ANKRD62: variants seen among roughly 807,000 people sequenced by gnomAD.
ANKRD62 encodes the protein ankyrin repeat domain 62.
ANKRD62 carries 61 observed loss-of-function variants against 98.8 expected under a neutral mutation model. That is an observed-to-expected ratio of 0.62 (90% confidence interval 0.50 to 0.76). The LOEUF (loss-of-function observed/expected upper bound fraction) is 0.76. ANKRD62 is among the 30% of genes least tolerant of loss of function. The pLI, the probability that ANKRD62 is intolerant of heterozygous loss-of-function variation, is 0.00. For synonymous variants in ANKRD62, 341 were observed against 367.9 expected, an observed-to-expected ratio of 0.93 and a Z score of 0.84; for missense variants, 933 against 1,082.9, an observed-to-expected ratio of 0.86 and a Z score of 1.94.
intron 10 of ANKRD62, 103 bp from the exon 11 acceptor site, chr18:12,122,200 T>C: frequency 2.5e-6 from 2 of 789,120 alleles, no homozygotes; most frequent in East Asian, 2.7e-5. Flanking sequence ...TATGTACATA[T>C]TCATTCAGTG....
Position 12,128,064 on chromosome 18 carries a change from T to C in ANKRD62, c.*125T>C. ...TATAATACATCCATTTCTCAATCTCTGCCATGTTTTATAATTATAAATATT... is the reference window on the plus strand; with the variant it reads ...TATAATACATCCATTTCTCAATCTCCGCCATGTTTTATAATTATAAATATT... On this transcript the variant is annotated 3_prime_UTR_variant, in exon 14 of 14. Transcript: ENST00000587848. The C allele has an allele frequency of 2.0e-6, 1 of 511,914 alleles. No individual in the cohort carries two copies. The highest frequency in any genetic ancestry group is 3.0e-6 in the Non-Finnish European group (1 of 337,300). 31.7% of individuals were successfully genotyped at this position (511,914 alleles called of 1,614,324 possible).
At position 12,128,006 on chromosome 18, in the gene ANKRD62, T is replaced by C. The variant is rs1909928608; in HGVS notation, c.*67T>C. 1.1e-6 allele frequency: 1 copy of C among 944,314 alleles called. No individual in the cohort carries two copies. Among genetic ancestry groups the C allele is most frequent in the African/African-American group, 1.7e-5 (1 of 58,556 alleles). 58.5% of individuals were successfully genotyped at this position (944,314 alleles called of 1,614,324 possible). A position where few individuals can be genotyped will look rare whatever the true frequency, so the allele number is the denominator to read the frequency against. On this transcript the variant is annotated 3_prime_UTR_variant, in exon 14 of 14. Transcript: ENST00000587848. Reference sequence around the variant, plus strand: ...TGGAGAGCTTTCTTTTGTATTTTCATTATAATTAATTTTATTAAAATTTGA... The same window carrying C: ...TGGAGAGCTTTCTTTTGTATTTTCACTATAATTAATTTTATTAAAATTTGA...
the ANKRD62 span, among the ~76,000 whole-genome samples, chr18:12,145,279 G>A: frequency 7.9e-5 from 12 of 151,970 alleles, no homozygotes; most frequent in Non-Finnish European, 1.3e-4. Flanking sequence ...CTCTGCTACC[G>A]CCCCCCACCA....
At chr18:12,146,278 T>C in the ANKRD62 span, among the ~76,000 whole-genome samples, 3 of 152,214 alleles carry the variant, frequency 2.0e-5, no homozygotes, top group Non-Finnish European at 4.4e-5. Flanking sequence ...ATCTTAAACC[T>C]CACTCTGTGG....
At chr18:12,145,714 T>C in the ANKRD62 span, among the ~76,000 whole-genome samples, 9 of 152,198 alleles carry the variant, frequency 5.9e-5, no homozygotes, top group Non-Finnish European at 1.5e-5. Flanking sequence ...GGGCCATCTT[T>C]GCCACTTGGG....
chr18:12,098,157 A>T (rs1909222304), intron 5 of ANKRD62, among the ~76,000 whole-genome samples: 1 of 152,152 alleles, frequency 6.6e-6, no homozygotes, highest in South Asian at 2.1e-4. Context: ...TTTATATCTT[A>T]TGTAGCAGCT....
chr18:12,171,778 C>A, the ANKRD62 span, among the ~76,000 whole-genome samples: 5 of 152,234 alleles, frequency 3.3e-5, no homozygotes, highest in African/African-American at 1.2e-4. Context: ...AGGTACACCA[C>A]TCAGACGTAG....
downstream of ANKRD62, chr18:12,129,801 T>C (rs1006880607): frequency 2.6e-5 from 4 of 152,268 alleles, no homozygotes; most frequent in Non-Finnish European, 2.9e-5. Context: ...TAGATTATCA[T>C]TTTTTATTAA....
chr18:12,162,596 A>G, the ANKRD62 span, among the ~76,000 whole-genome samples: 2 of 152,114 alleles, frequency 1.3e-5, no homozygotes, highest in Admixed American at 1.3e-4. Context: ...TCTTTGCCCA[A>G]TCCAATGTCC....
the ANKRD62 span, among the ~76,000 whole-genome samples, chr18:12,154,237 C>T: frequency 6.6e-6 from 1 of 152,074 alleles, no homozygotes; most frequent in South Asian, 2.1e-4. Flanking sequence ...CTATAAGGAG[C>T]TTAAACAAAT....
At chr18:12,176,536 C>T in the ANKRD62 span, among the ~76,000 whole-genome samples, 4 of 124,852 alleles carry the variant, frequency 3.2e-5, no homozygotes, top group Non-Finnish European at 5.0e-5. Context: ...TTCAACTTTC[C>T]GAGCCAGAGC....
Position 12,125,547 on chromosome 18 carries a change from G to A in ANKRD62, c.1726G>A (p.Asp576Asn), listed in dbSNP as rs1301053988. The A allele has an allele frequency of 2.6e-6, 4 of 1,523,356 alleles. No homozygotes were observed. In the South Asian group the frequency reaches 5.0e-5, roughly 19 times the overall value. 94.4% of individuals were successfully genotyped at this position (1,523,356 alleles called of 1,614,324 possible). A position where few individuals can be genotyped will look rare whatever the true frequency, so the allele number is the denominator to read the frequency against. The change falls in exon 13 of 14, where the codon GAC (aspartate) becomes AAC (asparagine). Residue 576 changes from aspartate (D) to asparagine (N), a missense_variant. Asp to Asn is a conservative substitution (Grantham distance 23). Around this residue, in one of 3 missense-constraint regions of ANKRD62, gnomAD observed 362 missense variants for 434.5 expected, o/e 0.83. Transcript: ENST00000587848. ...DEIARLRLEIDTIKHQNQETE... is the reference protein window; with the variant it reads ...DEIARLRLEINTIKHQNQETE... ...AATTGCCAGACTCAGGCTGGAAATA[G>A]ACACAATAAAACATCAGAACCAGGA...
chr18:12,102,097 T>C (rs1486712925), intron 6 of ANKRD62: 24 of 1,368,772 alleles, frequency 1.8e-5, no homozygotes, highest in Middle Eastern at 5.0e-4. Context: ...AAGCTCTGCC[T>C]TGGGAGCTTT....
At chr18:12,161,715 T>G in the ANKRD62 span, among the ~76,000 whole-genome samples, 1 of 152,050 alleles carries the variant, frequency 6.6e-6, no homozygotes, top group Non-Finnish European at 1.5e-5. Context: ...ATCCTTCTAC[T>G]CTCTATCTCC....
At chr18:12,103,066 AAT>A (rs753824476) in intron 6 of ANKRD62, 90 bp from the exon 7 acceptor site, 20 of 938,300 alleles carry the variant, frequency 2.1e-5, no homozygotes, top group Non-Finnish European at 2.7e-5. Context: ...ATAGAAGAAA[AAT>A]ATGTTATTTT....
the ANKRD62 span, among the ~76,000 whole-genome samples, chr18:12,166,597 C>G: frequency 2.0e-5 from 3 of 152,074 alleles, no homozygotes; most frequent in African/African-American, 7.2e-5. Context: ...TCTGAAAAGT[C>G]ACATATCTCT....
the ANKRD62 span, among the ~76,000 whole-genome samples, chr18:12,177,344 GGGAAGACATTCCTCAA>G: frequency 6.6e-6 from 1 of 152,294 alleles, no homozygotes; most frequent in African/African-American, 2.4e-5. Context: ...GAAGGAAATG[GGGAAGACATTCCTCAA>G]GGAGCAGCTC....
At chr18:12,162,282 C>T in the ANKRD62 span, among the ~76,000 whole-genome samples, 1 of 152,144 alleles carries the variant, frequency 6.6e-6, no homozygotes, top group Middle Eastern at 3.4e-3. Context: ...TGATGTTGAA[C>T]TTCTTTGTAT....
In ANKRD62 at chr18:12,115,457, C is replaced by G; in HGVS notation, c.1163C>G (p.Ser388Ter). The G allele has an allele frequency of 6.5e-7, 1 of 1,537,250 alleles. No individual in the cohort carries two copies. Among genetic ancestry groups the G allele is most frequent in the Non-Finnish European group, 8.7e-7 (1 of 1,146,584 alleles). ...ATAAGTGGGTCATCTGAAAAAACCT[C>G]AGAGGATGATGAGTTGCCTTACTCT... ...NDISGSSEKTSEDDELPYSDD... is the reference protein window; with the variant it reads ...NDISGSSEKT The change falls in exon 10 of 14, where the codon TCA becomes TGA. Residue 388 changes from serine to a stop codon, truncating the protein, a stop_gained. Transcript: ENST00000587848. LOFTEE classifies it high-confidence loss of function.
Sources: gnomAD v4.1 joint callset for allele counts (sites outside exome capture counted in the v4.1 genomes callset) on GRCh38, gnomAD v4.1.1 for gene constraint, gnomAD v4.1.1 regional missense constraint, MANE v1.5 for transcripts, NCBI Gene and HGNC (gene_info 2026-07-23, HGNC 2026-07-21) for gene names.